ZNF804A: variants seen among roughly 807,000 people sequenced by gnomAD.
ZNF804A encodes the protein zinc finger protein 804A.
ZNF804A carries 2 observed loss-of-function variants against 16.5 expected under a neutral mutation model. That is an observed-to-expected ratio of 0.12 (90% CI 0.05 to 0.38). The LOEUF (loss-of-function observed/expected upper bound fraction) is 0.38. ZNF804A is among the 10% of genes least tolerant of loss of function. ZNF804A has a pLI of 0.99. For synonymous variants in ZNF804A, 534 were observed against 489.6 expected, an observed-to-expected ratio of 1.09 and a Z score of -1.20; for missense variants, 1,473 against 1,390.7, an observed-to-expected ratio of 1.06 and a Z score of -0.94.
At chr2:184,772,917 C>T (rs1694237477) in intron 1 of ZNF804A, among the ~76,000 whole-genome samples, 2 of 149,030 alleles carry the variant, frequency 1.3e-5, no homozygotes, top group Non-Finnish European at 3.0e-5. Context: ...CACACACACA[C>T]ACACACCCCA....
chr2:184,604,146 C>CTTTTTTTTTTTTT lies in ZNF804A; in HGVS notation c.111+5105_111+5117dup, dbSNP rs759053144. On this transcript the variant is annotated intron_variant, in intron 1 of 3. Coordinates refer to ENST00000302277, the MANE Select transcript of ZNF804A (RefSeq NM_194250.2). Reference sequence around the variant, plus strand: ...TTCAGGTTATGGATGACTGCAATTACTTTTTTTTTTTTTTTTTTTTTTTTT... The same window carrying CTTTTTTTTTTTTT: ...TTCAGGTTATGGATGACTGCAATTACTTTTTTTTTTTTTTTTTTTTTTTTTTTTTTTTTTTTTT... 1.4e-3 allele frequency among the ~76,000 whole-genome samples: 61 copies of CTTTTTTTTTTTTT among 44,896 alleles called. 20 individuals carry two copies. The highest frequency in any genetic ancestry group is 2.4e-3 in the Non-Finnish European group (54 of 22,812). The allele number at this position is 44,896 out of a possible 152,430, so 29.5% of individuals were successfully genotyped here. A position where few individuals can be genotyped will look rare whatever the true frequency, so the allele number is the denominator to read the frequency against.
chr2:184,732,991 C>A (rs1228424500), intron 1 of ZNF804A, among the ~76,000 whole-genome samples: 1 of 152,092 alleles, frequency 6.6e-6, no homozygotes, highest in Non-Finnish European at 1.5e-5. Context: ...GACAGTGTTA[C>A]ATCTTCCTTC....
At chr2:184,846,441 A>T (rs967253966) in intron 1 of ZNF804A, among the ~76,000 whole-genome samples, 1 of 152,164 alleles carries the variant, frequency 6.6e-6, no homozygotes, top group Admixed American at 6.6e-5. Context: ...TATCACTTAT[A>T]ATCTACAGTG....
chr2:184,749,458 A>G (rs1384420818), intron 1 of ZNF804A, among the ~76,000 whole-genome samples: 1 of 151,302 alleles, frequency 6.6e-6, no homozygotes, highest in African/African-American at 2.4e-5. Context: ...ATAGTTCATC[A>G]GTTCTAGTAG....
intron 1 of ZNF804A, among the ~76,000 whole-genome samples, chr2:184,762,582 C>G (rs1344996558): frequency 6.6e-6 from 1 of 151,834 alleles, no homozygotes; most frequent in Non-Finnish European, 1.5e-5. Context: ...CCAAATAGCT[C>G]ACACATTTAT....
intron 1 of ZNF804A, among the ~76,000 whole-genome samples, chr2:184,813,738 A>G (rs1244730230): frequency 2.0e-5 from 3 of 152,046 alleles, no homozygotes; most frequent in Admixed American, 2.0e-4. Context: ...GCCTGCCACT[A>G]CAGGTCTATT....
At chr2:184,802,488 AACTC>A (rs1694742734) in intron 1 of ZNF804A, among the ~76,000 whole-genome samples, 1 of 152,194 alleles carries the variant, frequency 6.6e-6, no homozygotes, top group Non-Finnish European at 1.5e-5. Flanking sequence ...CTCATGTTCT[AACTC>A]ACATTCAAAC....
chr2:184,829,540 A>T (rs1271670430), intron 1 of ZNF804A, among the ~76,000 whole-genome samples: 1 of 151,942 alleles, frequency 6.6e-6, no homozygotes, highest in Non-Finnish European at 1.5e-5. Context: ...CTTATTTCTG[A>T]TTTGCTTCCA....
At chr2:184,811,899 A>G (rs1694907931) in intron 1 of ZNF804A, among the ~76,000 whole-genome samples, 1 of 152,200 alleles carries the variant, frequency 6.6e-6, no homozygotes. Flanking sequence ...TCAGCAGAAA[A>G]CTAGCATTAC....
At chr2:184,629,280 A>G (rs1159154810) in intron 1 of ZNF804A, among the ~76,000 whole-genome samples, 8 of 152,000 alleles carry the variant, frequency 5.3e-5, no homozygotes, top group African/African-American at 9.7e-5. Context: ...TTTTTGGCCA[A>G]TATCTTTCCT....
chr2:184,805,076 T>C (rs187726388), intron 1 of ZNF804A, among the ~76,000 whole-genome samples: 16 of 152,314 alleles, frequency 1.1e-4, no homozygotes, highest in Admixed American at 1.0e-3. Flanking sequence ...AGAGGACATT[T>C]TCCTTACAGC....
chr2:184,811,655 A>G (rs576291968), intron 1 of ZNF804A, among the ~76,000 whole-genome samples: 84 of 152,270 alleles, frequency 5.5e-4, no homozygotes, highest in African/African-American at 2.0e-3. Context: ...TGAGACTGCA[A>G]TGTGCAATTA....
At chr2:184,869,960 C>A (rs907489958) in intron 2 of ZNF804A, among the ~76,000 whole-genome samples, 2 of 152,052 alleles carry the variant, frequency 1.3e-5, no homozygotes, top group South Asian at 4.1e-4. Context: ...TACAGGGGTA[C>A]AGATATGATT....
intron 1 of ZNF804A, among the ~76,000 whole-genome samples, chr2:184,735,247 A>G (rs1002792662): frequency 6.6e-6 from 1 of 152,052 alleles, no homozygotes; most frequent in Non-Finnish European, 1.5e-5. Flanking sequence ...TCTTTCTTAC[A>G]TAGGTCCAAG....
chr2:184,877,297 C>A (rs1375271767), intron 2 of ZNF804A, among the ~76,000 whole-genome samples: 1 of 151,888 alleles, frequency 6.6e-6, no homozygotes, highest in Admixed American at 6.6e-5. Flanking sequence ...TTTACTAATA[C>A]TTTATTTTAT....
chr2:184,707,303 C>G (rs922317441), intron 1 of ZNF804A, among the ~76,000 whole-genome samples: 119 of 151,998 alleles, frequency 7.8e-4, no homozygotes, highest in African/African-American at 2.7e-3. Context: ...TCTATAATTG[C>G]AACTTTTATT....
intron 2 of ZNF804A, among the ~76,000 whole-genome samples, chr2:184,926,859 T>A (rs1422723124): frequency 6.6e-6 from 1 of 152,212 alleles, no homozygotes; most frequent in Non-Finnish European, 1.5e-5. Flanking sequence ...TTGCTTTAAT[T>A]ATGTCACTCT....
At chr2:184,851,081 G>A (rs1329725074) in intron 1 of ZNF804A, among the ~76,000 whole-genome samples, 2 of 151,604 alleles carry the variant, frequency 1.3e-5, no homozygotes, top group Non-Finnish European at 3.0e-5. Flanking sequence ...CAGCTTTTAT[G>A]TATTTACCAT....
At chr2:184,716,967 T>C (rs957853880) in intron 1 of ZNF804A, among the ~76,000 whole-genome samples, 3 of 152,122 alleles carry the variant, frequency 2.0e-5, no homozygotes, top group African/African-American at 7.2e-5. Flanking sequence ...GACCACAGTG[T>C]AGAACACCCT....
Sources: gnomAD v4.1 joint callset for allele counts (sites outside exome capture counted in the v4.1 genomes callset) on GRCh38, gnomAD v4.1.1 for gene constraint, MANE v1.5 for transcripts, NCBI Gene and HGNC (gene_info 2026-07-23, HGNC 2026-07-21) for gene names.